C6orf52: variants seen among roughly 807,000 people sequenced by gnomAD.
The protein encoded by C6orf52 is putative uncharacterized protein C6orf52.
A neutral mutation model predicts 16.6 loss-of-function variants in C6orf52; 16 were observed. That is an observed-to-expected ratio of 0.96 (90% CI 0.65 to 1.46). The LOEUF is 1.46. C6orf52 is among the 40% of genes most tolerant of loss of function. The pLI is 0.00. For synonymous variants in C6orf52, 53 were observed against 61.4 expected (o/e 0.86, Z 0.64); for missense variants, 166 against 182.3 (o/e 0.91, Z 0.52).
intron 4 of C6orf52, chr6:10,674,778 T>C (rs181745229): frequency 6.6e-6 from 1 of 152,144 alleles, no homozygotes; most frequent in Admixed American, 6.5e-5. Context: ...CTGTATTTCT[T>C]CATTAACTAT....
At chr6:10,682,750 A>AG (rs1309806159) in intron 4 of C6orf52, among the ~76,000 whole-genome samples, 1 of 152,170 alleles carries the variant, frequency 6.6e-6, no homozygotes, top group African/African-American at 2.4e-5. Flanking sequence ...TCTTTCCAAA[A>AG]CAAATTGAGA....
At chr6:10,693,299 G>A (rs10946708) in intron 1 of C6orf52, among the ~76,000 whole-genome samples, 2,442 of 152,302 alleles carry the variant, frequency 0.016, 50 homozygotes, top group African/African-American at 0.045. Flanking sequence ...ATCTGCAATT[G>A]AGCACCCTTT....
intron 4 of C6orf52, among the ~76,000 whole-genome samples, chr6:10,680,547 A>G (rs1364627460): frequency 6.6e-6 from 1 of 151,936 alleles, no homozygotes; most frequent in Admixed American, 6.6e-5. Context: ...GTTTCAAAGT[A>G]TTTCGTCTTC....
rs187434635 is a variant in C6orf52, at chr6:10,694,080, A to G, written c.-12+414T>C. 1.2e-4 allele frequency among the ~76,000 whole-genome samples: 19 copies of G among 152,106 alleles called. No homozygotes were observed. In the East Asian group the frequency reaches 3.7e-3, roughly 30 times the overall value. On this transcript the variant is annotated intron_variant, in intron 1 of 4. Coordinates refer to ENST00000259983, the MANE Select transcript of C6orf52 (RefSeq NM_001145020.3). Reference sequence around the variant, plus strand: ...TTCAAAACCAGCCTAGCCAACATGGAGAAACCCTGTCTCTACTAAAAAATA... The same window carrying G: ...TTCAAAACCAGCCTAGCCAACATGGGGAAACCCTGTCTCTACTAAAAAATA...
intron 1 of C6orf52, among the ~76,000 whole-genome samples, chr6:10,688,651 G>C (rs903017703): frequency 2.6e-5 from 4 of 152,120 alleles, no homozygotes; most frequent in Admixed American, 2.6e-4. Context: ...TATTTGCAAA[G>C]AACCTACACA....
At chr6:10,680,481 CTTG>C (rs1442025446) in intron 4 of C6orf52, among the ~76,000 whole-genome samples, 6 of 152,102 alleles carry the variant, frequency 3.9e-5, no homozygotes, top group Non-Finnish European at 7.4e-5. Flanking sequence ...GTAGTTTTTT[CTTG>C]TTGTGTCCTT....
chr6:10,680,705 A>G (rs186339400), intron 4 of C6orf52, among the ~76,000 whole-genome samples: 1 of 152,298 alleles, frequency 6.6e-6, no homozygotes, highest in East Asian at 1.9e-4. Context: ...CAACCTGAGC[A>G]ACAAAGTGAG....
chr6:10,694,235 G>A, intron 1 of C6orf52, among the ~76,000 whole-genome samples: 1 of 141,898 alleles, frequency 7.0e-6, no homozygotes, highest in Admixed American at 6.8e-5. Flanking sequence ...ACTCCAGCCT[G>A]GGCAAAAAGA....
At chr6:10,683,919 A>G (rs1311643506) in intron 3 of C6orf52, among the ~76,000 whole-genome samples, 1 of 152,190 alleles carries the variant, frequency 6.6e-6, no homozygotes, top group East Asian at 1.9e-4. Flanking sequence ...ATGGCCAGCT[A>G]TTCCAAGGAA....
intron 1 of C6orf52, among the ~76,000 whole-genome samples, chr6:10,689,189 CA>C (rs143118376): frequency 0.24 from 36,054 of 152,206 alleles, 12,393 homozygotes; most frequent in African/African-American, 0.76. Context: ...AGGCTGGTCT[CA>C]AAACTTCTGA....
chr6:10,684,411 C>T (rs1768676001), intron 3 of C6orf52, among the ~76,000 whole-genome samples: 1 of 152,266 alleles, frequency 6.6e-6, no homozygotes, highest in Admixed American at 6.5e-5. Flanking sequence ...AGTAACCACA[C>T]ATTTCCTCCT....
At chr6:10,685,049 G>A in intron 3 of C6orf52, 1 of 344,828 alleles carries the variant, frequency 2.9e-6, no homozygotes, top group Non-Finnish European at 5.3e-6. Context: ...CAGAGGAATT[G>A]AGAGAAGGGG....
rs747603354 is a variant in C6orf52, at chr6:10,687,161, G to GA, written c.74dup (p.Ser27LeufsTer4). 1 of 1,545,646 alleles carries GA rather than the reference G, an allele frequency of 6.5e-7. No individual in the cohort carries two copies. Among genetic ancestry groups the GA allele is most frequent in the African/African-American group, 1.4e-5 (1 of 72,802 alleles). On this transcript the variant is annotated frameshift_variant, in exon 3 of 5. Transcript: ENST00000259983. LOFTEE classifies it high-confidence loss of function. ...CCTGCTTCACTCTAATAGCAGAGGGGAGACTACAGGAATGACAATCATCAC... is the reference window on the plus strand; with the variant it reads ...CCTGCTTCACTCTAATAGCAGAGGGGAAGACTACAGGAATGACAATCATCAC...
intron 4 of C6orf52, among the ~76,000 whole-genome samples, chr6:10,673,858 GA>G (rs1184558597): frequency 2.6e-5 from 4 of 151,368 alleles, no homozygotes; most frequent in Admixed American, 2.0e-4. Context: ...GCCATTAAAA[GA>G]AAAAAAATAG....
At chr6:10,678,851 T>C (rs1768117021) in intron 4 of C6orf52, among the ~76,000 whole-genome samples, 1 of 152,114 alleles carries the variant, frequency 6.6e-6, no homozygotes, top group Admixed American at 6.5e-5. Context: ...TCCCCGCACT[T>C]TGGGAGGCGG....
intron 1 of C6orf52, among the ~76,000 whole-genome samples, chr6:10,689,292 G>A (rs1437396106): frequency 1.3e-5 from 2 of 152,194 alleles, no homozygotes; most frequent in Admixed American, 6.5e-5. Flanking sequence ...TTCAGTCCAC[G>A]ACTGGTTGCA....
intron 4 of C6orf52, among the ~76,000 whole-genome samples, chr6:10,677,617 C>T (rs915445329): frequency 3.3e-5 from 5 of 151,738 alleles, no homozygotes; most frequent in African/African-American, 1.2e-4. Flanking sequence ...CTCTAACCTC[C>T]GCCTCCCGGG....
chr6:10,685,874 C>T (rs1024735055), intron 3 of C6orf52, among the ~76,000 whole-genome samples: 2 of 152,168 alleles, frequency 1.3e-5, no homozygotes, highest in African/African-American at 4.8e-5. Context: ...CTTTAGGTAA[C>T]TTGCTATTAA....
intron 4 of C6orf52, among the ~76,000 whole-genome samples, chr6:10,672,858 C>T (rs1237907341): frequency 6.6e-6 from 1 of 152,110 alleles, no homozygotes; most frequent in South Asian, 2.1e-4. Flanking sequence ...TTTAAACCAC[C>T]CAGTCTGTGG....
Sources: allele counts gnomAD v4.1 joint callset (sites outside exome capture counted in the v4.1 genomes callset), GRCh38; gene constraint gnomAD v4.1.1; transcripts MANE v1.5; gene names NCBI Gene and HGNC (gene_info 2026-07-23, HGNC 2026-07-21).